DYNC1I1: variants seen among roughly 807,000 people sequenced by gnomAD.
The protein encoded by DYNC1I1 is dynein cytoplasmic 1 intermediate chain 1, also known as cytoplasmic dynein 1 intermediate chain 1.
A neutral mutation model predicts 86.6 loss-of-function variants in DYNC1I1; 43 were observed. The ratio of observed to expected loss-of-function variants is 0.50; its 90% CI spans 0.39 to 0.64. The LOEUF (loss-of-function observed/expected upper bound fraction) is 0.64. Among genes scored for constraint, DYNC1I1 ranks in the 30% least tolerant of loss-of-function variants. The probability of loss-of-function intolerance (pLI) is 0.00; values close to 1 mark genes in which losing one functional copy is unlikely to be tolerated. For synonymous variants in DYNC1I1, 262 were observed against 283.7 expected, an observed-to-expected ratio of 0.92 and a Z score of 0.77; for missense variants, 604 against 788.8, an observed-to-expected ratio of 0.77 and a Z score of 2.81.
At chr7:95,994,378 C>A (rs951340708) in intron 9 of DYNC1I1, among the ~76,000 whole-genome samples, 1 of 152,080 alleles carries the variant, frequency 6.6e-6, no homozygotes, top group Non-Finnish European at 1.5e-5. Flanking sequence ...GCAGGACAGA[C>A]ACATGATACA....
intron 6 of DYNC1I1, among the ~76,000 whole-genome samples, chr7:95,875,660 G>A (rs1201564036): frequency 6.6e-6 from 1 of 152,166 alleles, no homozygotes; most frequent in African/African-American, 2.4e-5. Flanking sequence ...GAGGATGAGG[G>A]ACTCTGGCCT....
At position 96,069,956 on chromosome 7, in the gene DYNC1I1, C is replaced by T. The variant is rs192565102; in HGVS notation, c.1510-6101C>T. The stretch of plus-strand genomic sequence containing the variant: ...TAACTAATTCAGGTTAAAGTCCTTG[C>T]CTAATTTTGGTTTATGCACACAAAA... On this transcript the variant is annotated intron_variant, in intron 14 of 16. Transcript: ENST00000447467. 8.5e-5 allele frequency among the ~76,000 whole-genome samples: 13 copies of T among 152,222 alleles called. No individual in the cohort carries two copies. In the East Asian group the frequency reaches 2.5e-3, roughly 29 times the overall value.
chr7:96,054,286 T>C (rs1332248749), intron 14 of DYNC1I1, among the ~76,000 whole-genome samples: 1 of 152,254 alleles, frequency 6.6e-6, no homozygotes, highest in Non-Finnish European at 1.5e-5. Flanking sequence ...GGTTTCCAGC[T>C]TCATCCATGT....
In DYNC1I1 at chr7:96,097,830, G is replaced by A. The variant is rs1283448790; in HGVS notation, c.*237G>A. ...ATTTCTGTCTCAAAAATGAAGAGAA[G>A]GGGGTTATGGGTTAAGTTGCTGCCT... On this transcript the variant is annotated 3_prime_UTR_variant, in exon 17 of 17. Coordinates refer to ENST00000447467, the MANE Select transcript of DYNC1I1 (RefSeq NM_001135556.2). 1 of 1,244,276 alleles carries A rather than the reference G, an allele frequency of 8.0e-7. No homozygotes were observed. 77.1% of individuals were successfully genotyped at this position (1,244,276 alleles called of 1,614,324 possible).
At chr7:95,944,154 C>T (rs1362782567) in intron 6 of DYNC1I1, among the ~76,000 whole-genome samples, 1 of 151,094 alleles carries the variant, frequency 6.6e-6, no homozygotes, top group Non-Finnish European at 1.5e-5. Flanking sequence ...CCAGCATCTA[C>T]AATGAACTCA....
In DYNC1I1 at chr7:95,967,216, G is replaced by T. The variant is rs78338387; in HGVS notation, c.491-10296G>T. 7.0e-3 allele frequency among the ~76,000 whole-genome samples: 1,063 copies of T among 152,270 alleles called. 14 individuals are homozygous for T. The highest frequency in any genetic ancestry group is 0.024 in the African/African-American group (998 of 41,556). On this transcript the variant is annotated intron_variant, in intron 6 of 16. Coordinates refer to ENST00000447467, the MANE Select transcript of DYNC1I1 (RefSeq NM_001135556.2). Reference sequence around the variant, plus strand: ...ATATCATAGCTAGAGAATGATAAATGCCATAATCTTAAACATAATAGTTCT... The same window carrying T: ...ATATCATAGCTAGAGAATGATAAATTCCATAATCTTAAACATAATAGTTCT...
chr7:96,100,323 C>T (rs1429670671), downstream of DYNC1I1, among the ~76,000 whole-genome samples: 3 of 151,824 alleles, frequency 2.0e-5, no homozygotes, highest in Admixed American at 6.6e-5. Context: ...TCCTCCCTTC[C>T]TCCCTCCCTC....
intron 11 of DYNC1I1, among the ~76,000 whole-genome samples, chr7:96,029,520 A>G (rs1188118155): frequency 6.6e-6 from 1 of 152,210 alleles, no homozygotes; most frequent in Non-Finnish European, 1.5e-5. Flanking sequence ...CAAAACCAGG[A>G]GCTCTTCCAA....
chr7:96,086,950 A>G (rs777298545), intron 16 of DYNC1I1, among the ~76,000 whole-genome samples: 4 of 152,036 alleles, frequency 2.6e-5, no homozygotes, highest in Non-Finnish European at 4.4e-5. Flanking sequence ...GAATAAGAAT[A>G]AAAAAAAGAG....
At chr7:96,023,022 G>A (rs193124266) in intron 10 of DYNC1I1, among the ~76,000 whole-genome samples, 1 of 152,184 alleles carries the variant, frequency 6.6e-6, no homozygotes, top group African/African-American at 2.4e-5. Context: ...GCCTATAGGA[G>A]GGGTTTTCAA....
At chr7:95,996,668 C>G (rs752142574) in intron 10 of DYNC1I1, among the ~76,000 whole-genome samples, 1 of 152,160 alleles carries the variant, frequency 6.6e-6, no homozygotes, top group Admixed American at 6.6e-5. Context: ...CTTCTCTTCC[C>G]CTTGACACAA....
At chr7:96,062,157 G>A (rs948540286) in intron 14 of DYNC1I1, among the ~76,000 whole-genome samples, 3 of 152,194 alleles carry the variant, frequency 2.0e-5, no homozygotes, top group African/African-American at 7.2e-5. Flanking sequence ...AAGAGAAGAT[G>A]ATGGTATTTT....
chr7:96,066,498 A>G (rs1038416936), intron 14 of DYNC1I1, among the ~76,000 whole-genome samples: 18 of 152,326 alleles, frequency 1.2e-4, no homozygotes, highest in African/African-American at 3.8e-4. Flanking sequence ...TTCCTCCCAG[A>G]GTTTTTCCCA....
intron 6 of DYNC1I1, among the ~76,000 whole-genome samples, chr7:95,882,459 C>T (rs1047034998): frequency 6.6e-6 from 1 of 152,162 alleles, no homozygotes. Flanking sequence ...ATCTGTTTCC[C>T]TCTATCCATA....
intron 14 of DYNC1I1, among the ~76,000 whole-genome samples, chr7:96,065,378 C>CTTTTTTTTTTTT (rs34423655): frequency 2.0e-4 from 26 of 127,580 alleles, no homozygotes; most frequent in East Asian, 7.0e-4. Context: ...TTCTTTCTTT[C>CTTTTTTTTTTTT]TTTTTTTTTT....
At chr7:95,837,094 T>C (rs1449247792) in intron 5 of DYNC1I1, among the ~76,000 whole-genome samples, 3 of 150,602 alleles carry the variant, frequency 2.0e-5, no homozygotes, top group Non-Finnish European at 3.0e-5. Flanking sequence ...CCCATCTTTG[T>C]GGTTTTATCT....
At chr7:95,867,633 A>C (rs1790048913) in intron 5 of DYNC1I1, among the ~76,000 whole-genome samples, 1 of 152,230 alleles carries the variant, frequency 6.6e-6, no homozygotes, top group Admixed American at 6.5e-5. Flanking sequence ...TCATGTTAGC[A>C]GGATGCCCTG....
intron 6 of DYNC1I1, among the ~76,000 whole-genome samples, chr7:95,933,008 G>A (rs370079272): frequency 1.3e-5 from 2 of 151,252 alleles, no homozygotes; most frequent in Non-Finnish European, 2.9e-5. Flanking sequence ...AGCTTCCTGA[G>A]TGTCTGGGCC....
intron 6 of DYNC1I1, among the ~76,000 whole-genome samples, chr7:95,962,790 GA>G (rs1792906481): frequency 1.3e-5 from 2 of 152,012 alleles, no homozygotes; most frequent in South Asian, 2.1e-4. Flanking sequence ...TGTCTCTGGG[GA>G]AAAAAATAGG....
Sources: allele counts gnomAD v4.1 joint callset (sites outside exome capture counted in the v4.1 genomes callset), GRCh38; gene constraint gnomAD v4.1.1; transcripts MANE v1.5; gene names NCBI Gene and HGNC (gene_info 2026-07-23, HGNC 2026-07-21).